Variants in SGCZ observed in about 807,000 individuals in gnomAD.
SGCZ encodes the protein sarcoglycan zeta, also known as zeta-sarcoglycan.
In SGCZ, 40 loss-of-function variants were observed where a neutral mutation model predicts 41.3. The ratio of observed to expected loss-of-function variants is 0.97; its 90% CI spans 0.75 to 1.26. SGCZ has a LOEUF of 1.26. Among genes scored for constraint, SGCZ ranks in the 50% most tolerant of loss-of-function variants. The probability of loss-of-function intolerance (pLI) is 0.00; values close to 1 mark genes in which losing one functional copy is unlikely to be tolerated. For synonymous variants in SGCZ, 206 were observed against 137.5 expected (o/e 1.50, Z -3.49); for missense variants, 552 against 369.8 (o/e 1.49, Z -4.04).
chr8:14,836,260 G>C (rs1802698584), intron 1 of SGCZ, among the ~76,000 whole-genome samples: 1 of 152,110 alleles, frequency 6.6e-6, no homozygotes, highest in Non-Finnish European at 1.5e-5. Flanking sequence ...AATCTTGAGT[G>C]AATCACTTAT....
chr8:14,673,269 G>A (rs1033023315), intron 1 of SGCZ, among the ~76,000 whole-genome samples: 1 of 152,216 alleles, frequency 6.6e-6, no homozygotes, highest in Non-Finnish European at 1.5e-5. Flanking sequence ...ATCTCAAACT[G>A]TAATTCCCAC....
chr8:14,617,191 A>C (rs763294701), intron 1 of SGCZ, among the ~76,000 whole-genome samples: 8 of 152,176 alleles, frequency 5.3e-5, no homozygotes, highest in Non-Finnish European at 1.2e-4. Context: ...AAGGCAAAGA[A>C]AGTAAAAGTA....
intron 1 of SGCZ, among the ~76,000 whole-genome samples, chr8:14,843,298 A>G (rs1435386143): frequency 6.6e-6 from 1 of 151,900 alleles, no homozygotes; most frequent in African/African-American, 2.4e-5. Context: ...TTTTTTTAAT[A>G]TGGGGGTTTA....
chr8:14,217,223 G>A (rs988187783), intron 4 of SGCZ, among the ~76,000 whole-genome samples: 5 of 150,238 alleles, frequency 3.3e-5, no homozygotes, highest in Non-Finnish European at 5.9e-5. Flanking sequence ...GTGAACCTGG[G>A]AGGCAGAGGT....
At chr8:14,463,969 C>CT (rs746823090) in intron 2 of SGCZ, among the ~76,000 whole-genome samples, 31 of 151,012 alleles carry the variant, frequency 2.1e-4, no homozygotes, top group Non-Finnish European at 2.8e-4. Context: ...AGGAATAAAT[C>CT]TTATTGGCCA....
intron 1 of SGCZ, among the ~76,000 whole-genome samples, chr8:14,659,341 T>C (rs2053489): frequency 0.34 from 51,658 of 151,962 alleles, 11,350 homozygotes; most frequent in African/African-American, 0.63. Context: ...CAACATCACA[T>C]TATACCCCAT....
chr8:14,175,598 A>C (rs1202975432), intron 4 of SGCZ, among the ~76,000 whole-genome samples: 2 of 152,110 alleles, frequency 1.3e-5, no homozygotes, highest in Admixed American at 6.5e-5. Flanking sequence ...AACTACTAAA[A>C]TAATAGAAGA....
At chr8:14,843,306 T>G (rs1254504509) in intron 1 of SGCZ, among the ~76,000 whole-genome samples, 1 of 152,112 alleles carries the variant, frequency 6.6e-6, no homozygotes, top group Non-Finnish European at 1.5e-5. Context: ...ATATGGGGGT[T>G]TAAAACACGA....
intron 1 of SGCZ, among the ~76,000 whole-genome samples, chr8:14,718,640 T>G (rs1318226175): frequency 8.5e-6 from 1 of 117,324 alleles, no homozygotes; most frequent in Non-Finnish European, 1.8e-5. Flanking sequence ...TTATATAAGT[T>G]CACAGGAGTA....
rs968753680 is a variant in SGCZ at position 14,485,381 on chromosome 8, C to T, written c.234+69351G>A. Among the ~76,000 whole-genome samples the T allele has an allele frequency of 2.6e-5, 4 of 152,092 alleles. No individual in the cohort carries two copies. In the East Asian group the frequency reaches 5.8e-4, roughly 22 times the overall value. The stretch of plus-strand genomic sequence containing the variant: ...CCTCCCGAGTAGCTGGGATTACAGG[C>T]GTGCGCCACTATGCCAGGCTAATTT... On this transcript the variant is annotated intron_variant, in intron 2 of 7. Coordinates refer to ENST00000382080, the MANE Select transcript of SGCZ (RefSeq NM_139167.4).
At chr8:14,919,686 G>A (rs2130789117) in intron 1 of SGCZ, among the ~76,000 whole-genome samples, 1 of 152,284 alleles carries the variant, frequency 6.6e-6, no homozygotes, top group African/African-American at 2.4e-5. Flanking sequence ...GGGAGGACGA[G>A]GCAGGCAGAT....
At position 14,978,470 on chromosome 8, in the gene SGCZ, C is replaced by CAAAAAAA. The variant is rs59543494; in HGVS notation, c.39+259108_39+259114dup. Among the ~76,000 whole-genome samples the CAAAAAAA allele has an allele frequency of 1.5e-3, 95 of 62,820 alleles. 13 individuals are homozygous for CAAAAAAA. The highest frequency in any genetic ancestry group is 5.2e-3 in the African/African-American group (63 of 12,046). 41.2% of individuals were successfully genotyped at this position (62,820 alleles called of 152,430 possible). ...TGGAGGACCGAGTGAGACACCGTCA[C>CAAAAAAA]AAAAAAAAAAAAAAAAAAAAAAAAA... On this transcript the variant is annotated intron_variant, in intron 1 of 7. Transcript: ENST00000382080.
chr8:15,169,746 T>C (rs139100750), intron 1 of SGCZ, among the ~76,000 whole-genome samples: 195 of 152,268 alleles, frequency 1.3e-3, no homozygotes, highest in African/African-American at 4.4e-3. Flanking sequence ...GCAAGGAAGC[T>C]CTCCACAATT....
chr8:15,201,881 A>C (rs2117135988), intron 1 of SGCZ, among the ~76,000 whole-genome samples: 1 of 152,324 alleles, frequency 6.6e-6, no homozygotes, highest in African/African-American at 2.4e-5. Context: ...TATCTATATA[A>C]AAAATATCAA....
intron 1 of SGCZ, among the ~76,000 whole-genome samples, chr8:14,903,476 G>T (rs1799032999): frequency 6.6e-6 from 1 of 152,166 alleles, no homozygotes; most frequent in South Asian, 2.1e-4. Flanking sequence ...ATGCAAATGG[G>T]TTATCTGGGT....
chr8:15,198,270 G>A (rs1395364989), intron 1 of SGCZ, among the ~76,000 whole-genome samples: 1 of 151,838 alleles, frequency 6.6e-6, no homozygotes, highest in Admixed American at 6.6e-5. Context: ...TCATGTTCAA[G>A]TATGAAAGAG....
intron 2 of SGCZ, among the ~76,000 whole-genome samples, chr8:14,432,913 C>CA (rs1799984536): frequency 9.8e-5 from 2 of 20,388 alleles, no homozygotes; most frequent in African/African-American, 2.1e-4. Flanking sequence ...GACTGTGTCT[C>CA]CAAAAAAAAA....
chr8:14,282,847 CTTT>C (rs1168778028), intron 3 of SGCZ, among the ~76,000 whole-genome samples: 5,283 of 89,808 alleles, frequency 0.059, 76 homozygotes, highest in Middle Eastern at 0.15. Flanking sequence ...CTTTCAAATA[CTTT>C]TTTTTTTTTT....
At chr8:14,137,739 A>G (rs181992609) in intron 5 of SGCZ, among the ~76,000 whole-genome samples, 193 of 152,340 alleles carry the variant, frequency 1.3e-3, no homozygotes, top group Non-Finnish European at 2.1e-3. Flanking sequence ...GAATGGACCC[A>G]AGTTGGAAAA....
Sources: gnomAD v4.1 joint callset for allele counts (sites outside exome capture counted in the v4.1 genomes callset) on GRCh38, gnomAD v4.1.1 for gene constraint, MANE v1.5 for transcripts, NCBI Gene and HGNC (gene_info 2026-07-23, HGNC 2026-07-21) for gene names.